The following ZNF765 variants were observed in gnomAD, a reference collection of about 807,000 sequenced individuals.
ZNF765 encodes zinc finger protein 765.
A neutral mutation model predicts 44.7 loss-of-function variants in ZNF765; 37 were observed. The ratio of observed to expected loss-of-function variants is 0.83; its 90% CI spans 0.64 to 1.09. ZNF765 has a LOEUF of 1.09. ZNF765 is among the 50% of genes least tolerant of loss of function. ZNF765 has a pLI of 0.00. For missense variants in ZNF765, 594 were observed against 626.1 expected, an observed-to-expected ratio of 0.95 and a Z score of 0.55; for synonymous variants, 201 against 213.7, an observed-to-expected ratio of 0.94 and a Z score of 0.52.
intron 3 of ZNF765, among the ~76,000 whole-genome samples, chr19:53,417,527 G>C (rs2085882518): frequency 6.6e-6 from 1 of 152,158 alleles, no homozygotes; most frequent in South Asian, 2.1e-4. Flanking sequence ...TCCAGTCCAT[G>C]GGTGATGGGC....
At chr19:53,422,231 C>G (rs1158286002) in intron 3 of ZNF765, among the ~76,000 whole-genome samples, 4 of 152,036 alleles carry the variant, frequency 2.6e-5, no homozygotes, top group African/African-American at 9.7e-5. Flanking sequence ...TGGAAGAACC[C>G]CGCTAACTGG....
At chr19:53,421,989 T>C (rs1474584865) in intron 3 of ZNF765, among the ~76,000 whole-genome samples, 1 of 152,162 alleles carries the variant, frequency 6.6e-6, no homozygotes, top group Non-Finnish European at 1.5e-5. Flanking sequence ...GGGGTCGACT[T>C]TTTAAACCTA....
At position 53,407,291 on chromosome 19, in the gene ZNF765, C is replaced by T. The variant is rs1335546365; in HGVS notation, c.143-407C>T. ...CATAATCTTGTTGTGGATTATTTTC[C>T]AACACAGTACATCATGTGGTCCTTT... On this transcript the variant is annotated intron_variant, in intron 3 of 3. Transcript: ENST00000396408. 2.0e-5 allele frequency among the ~76,000 whole-genome samples: 3 copies of T among 152,172 alleles called. No individual in the cohort carries two copies. In the East Asian group the frequency reaches 5.8e-4, roughly 29 times the overall value.
chr19:53,398,966 G>T (rs1018596702), intron 2 of ZNF765, among the ~76,000 whole-genome samples: 3 of 151,886 alleles, frequency 2.0e-5, no homozygotes, highest in Admixed American at 2.0e-4. Flanking sequence ...GGCCAGGCTG[G>T]TCTCAAACTA....
intron 1 of ZNF765, among the ~76,000 whole-genome samples, chr19:53,397,177 AT>A (rs1356346169): frequency 2.6e-5 from 4 of 152,216 alleles, no homozygotes; most frequent in Non-Finnish European, 5.9e-5. Flanking sequence ...TCCTATTGTC[AT>A]TGATTTCTAG....
At position 53,408,380 on chromosome 19, in the gene ZNF765, G is replaced by A. The variant is rs764939308; in HGVS notation, c.825G>A (p.Glu275=). ...HTGEKPYKCN[E]CGKTFSQTYY... Reference sequence around the variant, plus strand: ...GTGAGAAACCTTACAAGTGTAATGAGTGTGGCAAGACCTTCAGTCAGACAT... The same window carrying A: ...GTGAGAAACCTTACAAGTGTAATGAATGTGGCAAGACCTTCAGTCAGACAT... Residue 275 remains glutamate (E), a synonymous_variant, in exon 4 of 4, where the codon GAG becomes GAA. Transcript: ENST00000396408. 2.5e-6 allele frequency: 4 copies of A among 1,614,180 alleles called. No individual in the cohort carries two copies. The highest frequency in any genetic ancestry group is 2.5e-6 in the Non-Finnish European group (3 of 1,179,994).
intron 3 of ZNF765, among the ~76,000 whole-genome samples, chr19:53,422,588 T>A (rs2085913825): frequency 6.6e-6 from 1 of 152,190 alleles, no homozygotes; most frequent in East Asian, 1.9e-4. Flanking sequence ...ACTTATTTAT[T>A]TATTTTGAGA....
chr19:53,397,996 G>A lies in ZNF765; in HGVS notation c.-20G>A, dbSNP rs2085687308. The A allele has an allele frequency of 1.2e-6, 2 of 1,613,128 alleles. No individual in the cohort carries two copies. The highest frequency in any genetic ancestry group is 2.2e-5 in the South Asian group (2 of 91,056). On this transcript the variant is annotated 5_prime_UTR_variant, in exon 2 of 4. Coordinates refer to ENST00000396408, the MANE Select transcript of ZNF765 (RefSeq NM_001040185.3). Reference sequence around the variant, plus strand: ...GAGGAAGAAACCTGGAAGAGGAAGAGGAAAGCAAAGGAGTCAGGGATGGCT... The same window carrying A: ...GAGGAAGAAACCTGGAAGAGGAAGAAGAAAGCAAAGGAGTCAGGGATGGCT...
At chr19:53,405,502 G>A (rs1340493449) in intron 3 of ZNF765, among the ~76,000 whole-genome samples, 4 of 151,848 alleles carry the variant, frequency 2.6e-5, no homozygotes, top group Admixed American at 6.6e-5. Flanking sequence ...AAATCCAAGA[G>A]CAAGGTGCCA....
In ZNF765 at chr19:53,408,038, T is replaced by A; in HGVS notation, c.483T>A (p.Asp161Glu). Residue 161 changes from aspartate to glutamate, a missense_variant, in exon 4 of 4, where the codon GAT (aspartate) becomes GAA (glutamate). Around this residue, in one of 2 missense-constraint regions of ZNF765, gnomAD observed 567 missense variants for 572.6 expected, o/e 0.99. Transcript: ENST00000396408. ...LHIFHTEEKIDNQVVKSIHDA... is the reference protein window; with the variant it reads ...LHIFHTEEKIENQVVKSIHDA... ...TATTTCACACTGAAGAGAAAATTGA[T>A]AATCAAGTTGTGAAGTCTATCCACG... 6.2e-7 allele frequency: 1 copy of A among 1,614,204 alleles called. No individual in the cohort carries two copies.
chr19:53,417,056 GATCTGCCT>G (rs1233538587), intron 3 of ZNF765, among the ~76,000 whole-genome samples: 1 of 152,142 alleles, frequency 6.6e-6, no homozygotes, highest in African/African-American at 2.4e-5. Flanking sequence ...GACCTCAGGT[GATCTGCCT>G]ACCTAGGCCT....
intron 2 of ZNF765, among the ~76,000 whole-genome samples, chr19:53,400,101 C>T (rs981895210): frequency 2.0e-5 from 3 of 152,134 alleles, no homozygotes; most frequent in Non-Finnish European, 2.9e-5. Flanking sequence ...CATGAGCCAC[C>T]GCATCTGGCC....
downstream of ZNF765, among the ~76,000 whole-genome samples, chr19:53,415,882 A>G (rs769894877): frequency 7.9e-5 from 12 of 152,114 alleles, no homozygotes; most frequent in Non-Finnish European, 1.3e-4. Flanking sequence ...TCTCTCTGAC[A>G]TATATTTCTG....
Position 53,409,153 on chromosome 19 carries a change from GAGT to G in ZNF765, c.*27_*29del. The stretch of plus-strand genomic sequence containing the variant: ...TGAGTGTGGTAAGACCTTCAATCAG[GAGT>G]TAACCCTTACATGCCATCGTAGGCT... On this transcript the variant is annotated 3_prime_UTR_variant, in exon 4 of 4. Coordinates refer to ENST00000396408, the MANE Select transcript of ZNF765 (RefSeq NM_001040185.3). 1.3e-6 allele frequency: 2 copies of G among 1,570,734 alleles called. No homozygotes were observed. The highest frequency in any genetic ancestry group is 1.1e-5 in the South Asian group (1 of 89,898).
chr19:53,402,051 T>G lies in ZNF765; in HGVS notation c.16-14T>G, dbSNP rs757288552. ...CTCCCATAACCATTTGGTTAAAATGTGTTTTCATTTCAGGGTCTATTGACA... is the reference window on the plus strand; with the variant it reads ...CTCCCATAACCATTTGGTTAAAATGGGTTTTCATTTCAGGGTCTATTGACA... On this transcript the variant is annotated splice_polypyrimidine_tract_variant and intron_variant, in intron 2 of 3. Transcript: ENST00000396408. The G allele has an allele frequency of 3.1e-6, 5 of 1,613,750 alleles. No individual in the cohort carries two copies. The highest frequency in any genetic ancestry group is 4.2e-6 in the Non-Finnish European group (5 of 1,179,920).
Position 53,401,935 on chromosome 19 carries a change from T to A in ZNF765, c.16-130T>A, listed in dbSNP as rs1244656526. ...TGGGAAGACAAAATGCGGTGAAAAATCCCTTACTCAGATTTGTTAGAACAT... is the reference window on the plus strand; with the variant it reads ...TGGGAAGACAAAATGCGGTGAAAAAACCCTTACTCAGATTTGTTAGAACAT... On this transcript the variant is annotated intron_variant, in intron 2 of 3. Coordinates refer to ENST00000396408, the MANE Select transcript of ZNF765 (RefSeq NM_001040185.3). 3.1e-6 allele frequency: 5 copies of A among 1,592,228 alleles called. No individual in the cohort carries two copies. The South Asian group carries it at 5.5e-5, about 18-fold the overall frequency.
At chr19:53,405,933 ATATATATATATATATAT>A (rs1568778985) in intron 3 of ZNF765, among the ~76,000 whole-genome samples, 14 of 89,418 alleles carry the variant, frequency 1.6e-4, no homozygotes, top group Non-Finnish European at 2.2e-4. Context: ...ATATATATAT[ATATATATATATATATAT>A]AAAATTGCTG....
chr19:53,407,409 G>C (rs1238409463), intron 3 of ZNF765, among the ~76,000 whole-genome samples: 9 of 152,070 alleles, frequency 5.9e-5, no homozygotes, highest in East Asian at 1.9e-4. Context: ...CAAACTGTTA[G>C]ACACTTTAGG....
At chr19:53,395,891 G>A (rs1372842728) in intron 1 of ZNF765, among the ~76,000 whole-genome samples, 4 of 152,002 alleles carry the variant, frequency 2.6e-5, no homozygotes, top group African/African-American at 7.3e-5. Context: ...GGAGACAGAC[G>A]TAGAGCAGTA....
Sources: gnomAD v4.1 joint callset for allele counts (sites outside exome capture counted in the v4.1 genomes callset) on GRCh38, gnomAD v4.1.1 for gene constraint, gnomAD v4.1.1 regional missense constraint, MANE v1.5 for transcripts, NCBI Gene and HGNC (gene_info 2026-07-23, HGNC 2026-07-21) for gene names.